The following ACACA variants were observed in gnomAD, a reference collection of about 807,000 sequenced individuals.
The protein encoded by ACACA is acetyl-CoA carboxylase alpha.
Under a neutral mutation model 296.1 loss-of-function variants are expected in ACACA, and 103 were observed. The observed-to-expected ratio is 0.35, with a 90% CI of 0.30 to 0.41. The LOEUF (loss-of-function observed/expected upper bound fraction) is 0.41, where lower values mean the gene tolerates loss of function less well. Ranked by LOEUF, ACACA falls within the 10% of genes least tolerant of loss-of-function variation. The pLI is 1.00. For missense variants in ACACA, 1,554 were observed against 2,989.7 expected, an observed-to-expected ratio of 0.52 and a Z score of 11.20; for synonymous variants, 953 against 1,038.6, an observed-to-expected ratio of 0.92 and a Z score of 1.58.
chr17:37,253,747 C>G (rs1202952494), intron 14 of ACACA, among the ~76,000 whole-genome samples: 1 of 151,996 alleles, frequency 6.6e-6, no homozygotes, highest in Non-Finnish European at 1.5e-5. Flanking sequence ...ATCCTTGTAC[C>G]TTATTTATTT....
At chr17:37,237,708 T>G (rs1480632680) in intron 24 of ACACA, among the ~76,000 whole-genome samples, 1 of 152,230 alleles carries the variant, frequency 6.6e-6, no homozygotes, top group African/African-American at 2.4e-5. Context: ...TACTTCTAAT[T>G]ATTTTTTAGG....
At chr17:37,370,692 T>A (rs2049771849) in intron 1 of ACACA, among the ~76,000 whole-genome samples, 1 of 149,576 alleles carries the variant, frequency 6.7e-6, no homozygotes, top group South Asian at 2.1e-4. Context: ...AATAAATAAA[T>A]AAAAATTAGG....
At chr17:37,220,643 T>C (rs2079243275) in intron 29 of ACACA, among the ~76,000 whole-genome samples, 1 of 152,016 alleles carries the variant, frequency 6.6e-6, no homozygotes, top group South Asian at 2.1e-4. Context: ...AGCCATAAGG[T>C]ATTTTTGAGG....
rs145952754 is a variant in ACACA, at chr17:37,279,218, T to A, written c.611-1213A>T. On this transcript the variant is annotated intron_variant, in intron 5 of 55. Transcript: ENST00000616317. ...CTAAAAAAAATTCTACTAAAAAAAA[T>A]TCCGCTAGAATTTCTTCAAAATTAA... 1.0e-3 allele frequency among the ~76,000 whole-genome samples: 154 copies of A among 152,284 alleles called. 1 individual carries two copies. The highest frequency in any genetic ancestry group is 3.6e-3 in the African/African-American group (148 of 41,562).
intron 43 of ACACA, among the ~76,000 whole-genome samples, chr17:37,151,700 T>C (rs2076046028): frequency 6.6e-6 from 1 of 152,144 alleles, no homozygotes; most frequent in African/African-American, 2.4e-5. Flanking sequence ...TCTCGCTCTA[T>C]TGGCAGGCTG....
intron 24 of ACACA, 145 bp downstream of exon 24, chr17:37,240,331 G>A (rs2080330311): frequency 4.3e-6 from 3 of 698,012 alleles, no homozygotes; most frequent in Non-Finnish European, 5.1e-6. Context: ...AGTTTTTAAG[G>A]GAGTAGTGAT....
intron 1 of ACACA, among the ~76,000 whole-genome samples, chr17:37,372,115 T>TA (rs1420045056): frequency 6.6e-6 from 1 of 151,784 alleles, no homozygotes; most frequent in African/African-American, 2.4e-5. Context: ...ATGCAGCCTT[T>TA]AAAAAGCAGT....
chr17:37,363,508 A>G (rs1007295348), intron 1 of ACACA, among the ~76,000 whole-genome samples: 7 of 151,560 alleles, frequency 4.6e-5, no homozygotes, highest in African/African-American at 1.2e-4. Context: ...AAGCATCCCT[A>G]ATAATTAATC....
At chr17:37,139,455 G>A (rs1478804028) in intron 45 of ACACA, among the ~76,000 whole-genome samples, 3 of 152,202 alleles carry the variant, frequency 2.0e-5, no homozygotes, top group Admixed American at 6.5e-5. Context: ...GTTCACTGAG[G>A]CAAGAGGGTA....
At chr17:37,162,767 A>G (rs970866430) in intron 41 of ACACA, 57 of 196,748 alleles carry the variant, frequency 2.9e-4, no homozygotes, top group African/African-American at 1.2e-3. Flanking sequence ...TATCTCAGCT[A>G]AAGAAGATAA....
At position 37,246,780 on chromosome 17, in the gene ACACA, C is replaced by T; in HGVS notation, c.2460+46G>A. 7 of 1,608,918 alleles carry T rather than the reference C, an allele frequency of 4.4e-6. No homozygotes were observed. In the South Asian group the frequency reaches 6.6e-5, roughly 15 times the overall value. On this transcript the variant is annotated intron_variant, in intron 19 of 55. Transcript: ENST00000616317. ...CTAGTCCATCCCAGCCGACCCTTTT[C>T]CTACCTTCCCCTCCCATGATCCCAC...
In ACACA at chr17:37,097,215, T is replaced by C. The variant is rs760616500; in HGVS notation, c.6721-49A>G. On this transcript the variant is annotated intron_variant, in intron 53 of 55. Transcript: ENST00000616317. This position sits in a 1 kb window ranked among gnomAD's most constrained non-coding sequence, Gnocchi z 4.8. ...TAGCCCAGTCCTAATTCCTGCTTAA[T>C]GCTCAGTCTGGAGGGAAACCCACAG... 2 of 1,597,516 alleles carry C rather than the reference T, an allele frequency of 1.3e-6. No homozygotes were observed. Among genetic ancestry groups the C allele is most frequent in the East Asian group, 2.2e-5 (1 of 44,778 alleles).
intron 1 of ACACA, chr17:37,367,025 T>G (rs937526861): frequency 9.3e-5 from 14 of 151,346 alleles, no homozygotes; most frequent in Admixed American, 9.2e-4. Flanking sequence ...GAGGCGGAGG[T>G]TGCAGTGAGC....
At chr17:37,309,836 G>C (rs1368679357) in intron 3 of ACACA, among the ~76,000 whole-genome samples, 1 of 151,968 alleles carries the variant, frequency 6.6e-6, no homozygotes, top group East Asian at 1.9e-4. Flanking sequence ...AGGATCACTT[G>C]AGTCCGAGAC....
chr17:37,331,158 C>T (rs2047863920), intron 2 of ACACA, among the ~76,000 whole-genome samples: 1 of 151,748 alleles, frequency 6.6e-6, no homozygotes, highest in Non-Finnish European at 1.5e-5. Context: ...CGCTCTGTTG[C>T]CCAGGCTGGA....
intron 1 of ACACA, chr17:37,369,576 T>C (rs2049726390): frequency 6.6e-6 from 1 of 151,740 alleles, no homozygotes; most frequent in Admixed American, 6.6e-5. Flanking sequence ...GCTGAGATGG[T>C]AGGATCACTT....
At chr17:37,401,190 GTTTTTCTTTT>G (rs1257446170) in intron 1 of ACACA, among the ~76,000 whole-genome samples, 1 of 144,202 alleles carries the variant, frequency 6.9e-6, no homozygotes, top group Admixed American at 7.0e-5. Context: ...TTTTTCTTTT[GTTTTTCTTTT>G]TTTTTTTTTT....
intron 1 of ACACA, among the ~76,000 whole-genome samples, chr17:37,401,445 G>T (rs780423983): frequency 1.3e-5 from 2 of 151,770 alleles, no homozygotes; most frequent in African/African-American, 4.8e-5. Flanking sequence ...CACCCGCCTC[G>T]GCCTCCCATG....
At chr17:37,102,274 G>A (rs946385909) in intron 52 of ACACA, among the ~76,000 whole-genome samples, 4 of 141,508 alleles carry the variant, frequency 2.8e-5, no homozygotes, top group East Asian at 2.1e-4. Flanking sequence ...GCACGATCTC[G>A]GCTCACTGCA....
Sources: gnomAD v4.1 joint callset for allele counts (sites outside exome capture counted in the v4.1 genomes callset) on GRCh38, gnomAD v4.1.1 for gene constraint, Gnocchi (gnomAD v3.1) non-coding constraint, MANE v1.5 for transcripts, NCBI Gene and HGNC (gene_info 2026-07-23, HGNC 2026-07-21) for gene names.